Variants in CATSPERT observed in about 807,000 individuals in gnomAD.
The protein encoded by CATSPERT is catsper channel auxiliary subunit tau.
At chr2:201,530,372 T>C in the CATSPERT span, among the ~76,000 whole-genome samples, 1 of 152,168 alleles carries the variant, frequency 6.6e-6, no homozygotes, top group Admixed American at 6.5e-5. Flanking sequence ...AACAGATCAA[T>C]GGATAAAGAA....
chr2:201,583,377 G>GT, the CATSPERT span, among the ~76,000 whole-genome samples: 1 of 152,208 alleles, frequency 6.6e-6, no homozygotes, highest in African/African-American at 2.4e-5. Flanking sequence ...AAGGAAAGTT[G>GT]TACTGCTGAG....
chr2:201,559,728 G>C, the CATSPERT span, among the ~76,000 whole-genome samples: 9 of 152,104 alleles, frequency 5.9e-5, no homozygotes, highest in African/African-American at 2.2e-4. Flanking sequence ...CCTAGAACCG[G>C]GCCAATGTGC....
At chr2:201,581,753 C>T in the CATSPERT span, among the ~76,000 whole-genome samples, 1 of 150,656 alleles carries the variant, frequency 6.6e-6, no homozygotes. Flanking sequence ...GGATTACAGG[C>T]ATGGGCCACC....
At chr2:201,515,879 T>C in the CATSPERT span, among the ~76,000 whole-genome samples, 1 of 152,244 alleles carries the variant, frequency 6.6e-6, no homozygotes, top group Non-Finnish European at 1.5e-5. Context: ...TGACACTTTA[T>C]GAGCATTCAC....
At chr2:201,534,097 GAT>G in the CATSPERT span, among the ~76,000 whole-genome samples, 9 of 150,266 alleles carry the variant, frequency 6.0e-5, no homozygotes, top group Admixed American at 6.0e-4. Context: ...TCAAATCTGA[GAT>G]ATATATATAT....
At chr2:201,553,531 C>T in the CATSPERT span, 33 of 152,050 alleles carry the variant, frequency 2.2e-4, no homozygotes, top group Non-Finnish European at 4.0e-4. Context: ...GTTTTCAAAA[C>T]CAAAGTTTTT....
chr2:201,516,235 G>A, the CATSPERT span, among the ~76,000 whole-genome samples: 31 of 152,162 alleles, frequency 2.0e-4, no homozygotes, highest in South Asian at 4.1e-4. Flanking sequence ...TGGTACTGCC[G>A]TCACATATTC....
chr2:201,583,269 T>G, the CATSPERT span, among the ~76,000 whole-genome samples: 3 of 151,970 alleles, frequency 2.0e-5, no homozygotes, highest in Non-Finnish European at 4.4e-5. Context: ...TAACAGAGGG[T>G]CCTTCCCCAA....
At chr2:201,618,804 A>G in the CATSPERT span, 7 of 1,070,034 alleles carry the variant, frequency 6.5e-6, no homozygotes, top group East Asian at 1.8e-4. Context: ...GGGAGATGCA[A>G]TTGGCACACA....
the CATSPERT span, among the ~76,000 whole-genome samples, chr2:201,569,937 C>CT: frequency 6.6e-6 from 1 of 152,162 alleles, no homozygotes; most frequent in Non-Finnish European, 1.5e-5. Flanking sequence ...AATCCCAGCA[C>CT]TTTCGGAGTC....
the CATSPERT span, among the ~76,000 whole-genome samples, chr2:201,561,708 C>T: frequency 1.3e-5 from 2 of 152,020 alleles, no homozygotes; most frequent in Admixed American, 6.6e-5. Context: ...CCCATCTCCA[C>T]TAAAAGTACA....
chr2:201,604,145 A>ATGTGTG, the CATSPERT span, among the ~76,000 whole-genome samples: 449 of 148,386 alleles, frequency 3.0e-3, 4 homozygotes, highest in East Asian at 0.042. Flanking sequence ...GTGTGTGTGT[A>ATGTGTG]TGTGTGTGTG....
the CATSPERT span, among the ~76,000 whole-genome samples, chr2:201,571,637 G>A: frequency 6.6e-6 from 1 of 151,946 alleles, no homozygotes; most frequent in East Asian, 1.9e-4. Flanking sequence ...TATCTCCTTG[G>A]CCTGCTTTCC....
chr2:201,519,613 G>A, the CATSPERT span, among the ~76,000 whole-genome samples: 1 of 151,822 alleles, frequency 6.6e-6, no homozygotes, highest in Non-Finnish European at 1.5e-5. Context: ...AATGAAATCA[G>A]GGGAAAAATC....
the CATSPERT span, among the ~76,000 whole-genome samples, chr2:201,496,334 TTTTA>T: frequency 1.3e-5 from 2 of 152,062 alleles, no homozygotes; most frequent in Admixed American, 1.3e-4. Flanking sequence ...TGAGATAGCA[TTTTA>T]TTTATTTATT....
the CATSPERT span, among the ~76,000 whole-genome samples, chr2:201,524,228 G>A: frequency 6.6e-6 from 1 of 152,008 alleles, no homozygotes. Flanking sequence ...AGGAAAAAAG[G>A]GCAGGTCATC....
the CATSPERT span, chr2:201,557,312 G>A: frequency 6.6e-6 from 1 of 152,200 alleles, no homozygotes; most frequent in African/African-American, 2.4e-5. Context: ...GAGAAGGGGT[G>A]AGAATTATAT....
the CATSPERT span, among the ~76,000 whole-genome samples, chr2:201,599,364 T>A: frequency 2.6e-5 from 4 of 152,158 alleles, no homozygotes; most frequent in Non-Finnish European, 5.9e-5. Flanking sequence ...TCATTGATTT[T>A]TTTTTAGTTT....
the CATSPERT span, among the ~76,000 whole-genome samples, chr2:201,566,783 G>GAC: frequency 6.6e-6 from 1 of 152,142 alleles, no homozygotes; most frequent in Admixed American, 6.5e-5. Flanking sequence ...TCACCACACT[G>GAC]TCTTCCACAA....
Sources: gnomAD v4.1 joint callset for allele counts (sites outside exome capture counted in the v4.1 genomes callset) on GRCh38, gnomAD v4.1.1 for gene constraint, MANE v1.5 for transcripts, NCBI Gene and HGNC (gene_info 2026-07-23, HGNC 2026-07-21) for gene names.